The following NUPR2 variants were observed in gnomAD, a reference collection of about 807,000 sequenced individuals.
NUPR2 encodes nuclear protein 2, transcriptional regulator.
In NUPR2, 14 loss-of-function variants were observed where a neutral mutation model predicts 7.3. The observed-to-expected ratio is 1.93, with a 90% confidence interval of 1.27 to 3.01. The LOEUF is 3.01. NUPR2 is among the 30% of genes most tolerant of loss of function. The pLI, the probability that NUPR2 is intolerant of heterozygous loss-of-function variation, is 0.00. For missense variants in NUPR2, 162 were observed against 143.7 expected (o/e 1.13, Z -0.65); for synonymous variants, 56 against 59.7 (o/e 0.94, Z 0.29).
rs1469230277 is a variant in NUPR2 at position 56,115,624 on chromosome 7, T to TA, written c.*6+390_*6+391insT. ...GCGCGCACCACAGTGCCTGGCTAAT[T>TA]TTATATATATATATATATATATATT... On this transcript the variant is annotated intron_variant, in intron 1 of 1. Transcript: ENST00000329309. Among the ~76,000 whole-genome samples, 8 of 58,328 alleles carry TA rather than the reference T, an allele frequency of 1.4e-4. 1 individual carries two copies. The highest frequency in any genetic ancestry group is 7.0e-4 in the African/African-American group (7 of 10,042). The allele number at this position is 58,328 out of a possible 152,430, so 38.3% of individuals were successfully genotyped here.
rs190448728 is a variant in NUPR2 at position 56,116,202 on chromosome 7, C to T, written c.113G>A (p.Arg38His). ...LYDCLDYYYL[R>H]DFPACGAGRS... is the part of the protein sequence containing the mutation. ...CCCTGCCCCGCAGGCCGGGAAGTCG[C>T]GCAGGTAGTAGTAGTCCAGGCAGTC... The change falls in exon 1 of 2, where the codon CGC (arginine) becomes CAC (histidine). Residue 38 changes from arginine to histidine, a missense_variant. Physicochemically the swap from Arg to His is conservative, Grantham distance 29. Transcript: ENST00000329309. The T allele has an allele frequency of 4.0e-4, 619 of 1,548,814 alleles. 2 individuals carry two copies. The African/African-American group carries it at 6.2e-3, about 16-fold the overall frequency.
intron 1 of NUPR2, among the ~76,000 whole-genome samples, chr7:56,115,449 G>GTATATATATATATATA (rs60116657): frequency 2.7e-5 from 1 of 37,164 alleles, no homozygotes; most frequent in Non-Finnish European, 4.7e-5. Flanking sequence ...GTGTGTGTGT[G>GTATATATATATATATA]TGTGTGTGTG....
At chr7:56,115,964 G>A in intron 1 of NUPR2, 51 bp downstream of exon 1, 2 of 1,352,048 alleles carry the variant, frequency 1.5e-6, no homozygotes, top group Non-Finnish European at 1.9e-6. Context: ...GTGGGGGGAC[G>A]CTCCTAGGGT....
Position 56,115,625 on chromosome 7 carries a change from T to TTATATATATATATA in NUPR2, c.*6+376_*6+389dup, listed in dbSNP as rs57272607. Among the ~76,000 whole-genome samples, 274 of 105,190 alleles carry TTATATATATATATA rather than the reference T, an allele frequency of 2.6e-3. 7 individuals are homozygous for TTATATATATATATA. In the East Asian group the frequency reaches 0.045, roughly 17 times the overall value. The allele number at this position is 105,190 out of a possible 152,430, so 69.0% of individuals were successfully genotyped here. On this transcript the variant is annotated intron_variant, in intron 1 of 1. Coordinates refer to ENST00000329309, the MANE Select transcript of NUPR2 (RefSeq NM_001145712.2). ...CGCGCACCACAGTGCCTGGCTAATT[T>TTATATATATATATA]TATATATATATATATATATATATTT...
intron 1 of NUPR2, among the ~76,000 whole-genome samples, chr7:56,115,642 TA>T (rs1208332166): frequency 1.5e-5 from 2 of 137,368 alleles, no homozygotes; most frequent in Non-Finnish European, 3.1e-5. Flanking sequence ...TATATATATA[TA>T]TATATTTTAG....
At chr7:56,115,401 A>ATATATATATACACATATG (rs1785522538) in intron 1 of NUPR2, among the ~76,000 whole-genome samples, 1 of 30,304 alleles carries the variant, frequency 3.3e-5, no homozygotes, top group African/African-American at 2.5e-4. Flanking sequence ...TCGCATATAT[A>ATATATATATACACATATG]TATATATATA....
At chr7:56,115,411 A>ATACACATATGTG (rs1562891761) in intron 1 of NUPR2, among the ~76,000 whole-genome samples, 1 of 27,380 alleles carries the variant, frequency 3.7e-5, no homozygotes, top group African/African-American at 2.4e-4. Flanking sequence ...ATATATATAT[A>ATACACATATGTG]TATATATATA....
chr7:56,116,228 G>A lies in NUPR2; in HGVS notation c.87C>T (p.Tyr29=). The A allele has an allele frequency of 3.2e-6, 5 of 1,544,920 alleles. No homozygotes were observed. The highest frequency in any genetic ancestry group is 4.4e-6 in the Non-Finnish European group (5 of 1,144,240). The part of the protein sequence containing the change: ...PPPISYEEEL[Y]DCLDYYYLRD... ...GCAGGTAGTAGTAGTCCAGGCAGTC[G>A]TAAAGCTCCTCCTCGTAGCTTATGG... The change falls in exon 1 of 2, where the codon TAC becomes TAT. Residue 29 remains tyrosine (Y), a synonymous_variant. Coordinates refer to ENST00000329309, the MANE Select transcript of NUPR2 (RefSeq NM_001145712.2).
At chr7:56,115,417 A>ATGTG (rs1476049819) in intron 1 of NUPR2, among the ~76,000 whole-genome samples, 2 of 21,364 alleles carry the variant, frequency 9.4e-5, no homozygotes, top group African/African-American at 2.9e-4. Context: ...ATATATATAT[A>ATGTG]TATATATATA....
Position 56,116,127 on chromosome 7 carries a change from G to A in NUPR2, c.188C>T (p.Pro63Leu), listed in dbSNP as rs556178084. 2 of 1,545,548 alleles carry A rather than the reference G, an allele frequency of 1.3e-6. No individual in the cohort carries two copies. Among genetic ancestry groups the A allele is most frequent in the East Asian group, 2.5e-5 (1 of 40,438 alleles). Residue 63 changes from proline (P) to leucine (L), a missense_variant, in exon 1 of 2, where the codon CCT (proline) becomes CTT (leucine). Physicochemically the swap from Pro to Leu is moderately conservative, Grantham distance 98 (BLOSUM62 -3). Transcript: ENST00000329309. ...RREQALRTNW[P>L]APGGHERKVA... Reference sequence around the variant, plus strand: ...CTTGCGCTCGTGCCCGCCAGGTGCAGGCCAGTTGGTGCGCAGCGCCTGCTC... The same window carrying A: ...CTTGCGCTCGTGCCCGCCAGGTGCAAGCCAGTTGGTGCGCAGCGCCTGCTC...
rs1562891763 is a variant in NUPR2 at position 56,115,411 on chromosome 7, A to ATATACACATATG, written c.*7-515_*7-514insCATATGTGTATA. On this transcript the variant is annotated intron_variant, in intron 1 of 1. Coordinates refer to ENST00000329309, the MANE Select transcript of NUPR2 (RefSeq NM_001145712.2). The stretch of plus-strand genomic sequence containing the variant: ...CTCGATCGCATATATATATATATAT[A>ATATACACATATG]TATATATATATATATATTTGTGTGT... Among the ~76,000 whole-genome samples the ATATACACATATG allele has an allele frequency of 9.9e-4, 27 of 27,366 alleles. No individual in the cohort carries two copies. The East Asian group carries it at 0.015, about 15-fold the overall frequency. 18.0% of individuals were successfully genotyped at this position (27,366 alleles called of 152,430 possible).
intron 1 of NUPR2, 27 bp from the exon 2 acceptor site, chr7:56,114,924 G>A (rs1461669625): frequency 1.3e-5 from 2 of 152,088 alleles, no homozygotes; most frequent in Admixed American, 6.6e-5. Flanking sequence ...CAAAAACGCA[G>A]GTCATTTACT....
Position 56,116,102 on chromosome 7 carries a change from C to A in NUPR2, c.213G>T (p.Lys71Asn). 1 of 1,539,672 alleles carries A rather than the reference C, an allele frequency of 6.5e-7. No homozygotes were observed. The highest frequency in any genetic ancestry group is 1.2e-5 in the South Asian group (1 of 83,108). The change falls in exon 1 of 2, where the codon AAG becomes AAT. Residue 71 changes from lysine to asparagine, a missense_variant. Physicochemically the swap from Lys to Asn is moderately conservative, Grantham distance 94. Transcript: ENST00000329309. ...NWPAPGGHER[K>N]VAQKLLNGQR... is the part of the protein sequence containing the mutation. ...GGCCATTGAGGAGCTTCTGCGCGAC[C>A]TTGCGCTCGTGCCCGCCAGGTGCAG...
At chr7:56,115,404 T>TAC (rs1367157560) in intron 1 of NUPR2, among the ~76,000 whole-genome samples, 1 of 34,426 alleles carries the variant, frequency 2.9e-5, no homozygotes, top group African/African-American at 2.0e-4. Flanking sequence ...CATATATATA[T>TAC]ATATATATAT....
At chr7:56,115,435 G>GTATATATATATATT (rs1306832660) in intron 1 of NUPR2, among the ~76,000 whole-genome samples, 10 of 32,252 alleles carry the variant, frequency 3.1e-4, no homozygotes, top group African/African-American at 1.4e-3. Context: ...ATATTTGTGT[G>GTATATATATATATT]TGTGTGTGTG....
intron 1 of NUPR2, among the ~76,000 whole-genome samples, chr7:56,115,428 TTTGTGTGTGTGTGTGTGTG>T (rs1785529053): frequency 4.4e-5 from 2 of 45,932 alleles, no homozygotes; most frequent in Non-Finnish European, 7.8e-5. Context: ...TATATATATA[TTTGTGTGTGTGTGTGTGTG>T]TGTGTGTGTG....
At position 56,115,394 on chromosome 7, in the gene NUPR2, CATATATAT is replaced by C. The variant is rs1201360215; in HGVS notation, c.*7-505_*7-498del. Among the ~76,000 whole-genome samples, 4 of 30,756 alleles carry C rather than the reference CATATATAT, an allele frequency of 1.3e-4. 1 individual carries two copies. In the Admixed American group the frequency reaches 1.9e-3, roughly 15 times the overall value. 20.2% of individuals were successfully genotyped at this position (30,756 alleles called of 152,430 possible). Reference sequence around the variant, plus strand: ...AACCTCAGCCTCCCGGGCTCGATCGCATATATATATATATATATATATATATATATATA... The same window carrying C: ...AACCTCAGCCTCCCGGGCTCGATCGCATATATATATATATATATATATATA... On this transcript the variant is annotated intron_variant, in intron 1 of 1. Coordinates refer to ENST00000329309, the MANE Select transcript of NUPR2 (RefSeq NM_001145712.2).
In NUPR2 at chr7:56,116,335, C is replaced by T; in HGVS notation, c.-21G>A. On this transcript the variant is annotated 5_prime_UTR_variant, in exon 1 of 2. The change creates a new upstream start codon in the 5' untranslated region. Coordinates refer to ENST00000329309, the MANE Select transcript of NUPR2 (RefSeq NM_001145712.2). ...TCCATCCTGCCCAGGCCTGTGGCCA[C>T]CGGCGGCCACCTGCCCGCGTCTGGG... The T allele has an allele frequency of 1.5e-6, 2 of 1,321,044 alleles. No homozygotes were observed. Among genetic ancestry groups the T allele is most frequent in the Non-Finnish European group, 1.9e-6 (2 of 1,026,604 alleles). 81.8% of individuals were successfully genotyped at this position (1,321,044 alleles called of 1,614,324 possible).
intron 1 of NUPR2, among the ~76,000 whole-genome samples, chr7:56,115,437 G>GTA (rs1320810978): frequency 6.9e-5 from 1 of 14,598 alleles, no homozygotes; most frequent in Non-Finnish European, 1.2e-4. Flanking sequence ...ATTTGTGTGT[G>GTA]TGTGTGTGTG....
Sources: gnomAD v4.1 joint callset for allele counts (sites outside exome capture counted in the v4.1 genomes callset) on GRCh38, gnomAD v4.1.1 for gene constraint, MANE v1.5 for transcripts, NCBI Gene and HGNC (gene_info 2026-07-23, HGNC 2026-07-21) for gene names.